NEDD9: variants seen among roughly 807,000 people sequenced by gnomAD.
The protein encoded by NEDD9 is enhancer of filamentation 1.
NEDD9 carries 26 observed loss-of-function variants against 76.6 expected under a neutral mutation model. The observed-to-expected ratio is 0.34, with a 90% CI of 0.25 to 0.47. The LOEUF (loss-of-function observed/expected upper bound fraction) is 0.47. Among genes scored for constraint, NEDD9 ranks in the 20% least tolerant of loss-of-function variants. The pLI, the probability that NEDD9 is intolerant of heterozygous loss-of-function variation, is 1.00. For synonymous variants in NEDD9, 392 were observed against 414.2 expected, an observed-to-expected ratio of 0.95 and a Z score of 0.65; for missense variants, 937 against 1,058.5, an observed-to-expected ratio of 0.89 and a Z score of 1.59.
chr6:11,251,091 G>T (rs76791355), intron 3 of NEDD9, among the ~76,000 whole-genome samples: 1,822 of 152,260 alleles, frequency 0.012, 32 homozygotes, highest in African/African-American at 0.042. Flanking sequence ...ACAATGGAAA[G>T]AATACAAAAA....
rs558617952 is a variant in NEDD9, at chr6:11,193,090, C to A, written c.561+501G>T. Among the ~76,000 whole-genome samples, 3 of 151,942 alleles carry A rather than the reference C, an allele frequency of 2.0e-5. No homozygotes were observed. In the South Asian group the frequency reaches 6.2e-4, roughly 32 times the overall value. ...AAGGCCGAGGTGGGCAGACCACTTG[C>A]AGTTAGGAGTTCAAAACCAGCCTGG... On this transcript the variant is annotated intron_variant, in intron 3 of 6. Coordinates refer to ENST00000379446, the MANE Select transcript of NEDD9 (RefSeq NM_006403.4).
At position 11,317,204 on chromosome 6, in the gene NEDD9, G is replaced by A. The variant is rs1363440786; in HGVS notation, c.-152-11049C>T. On this transcript the variant is annotated intron_variant, in intron 2 of 3. Transcript: ENST00000397378. ...TCCCAGCACTCTGAGAGGCCGAGGC[G>A]GGCAGATCACCTCAGGTCAGGAGTT... 5.3e-5 allele frequency among the ~76,000 whole-genome samples: 8 copies of A among 152,036 alleles called. No homozygotes were observed. The East Asian group carries it at 7.7e-4, about 15-fold the overall frequency.
upstream of NEDD9, among the ~76,000 whole-genome samples, chr6:11,233,791 A>G (rs556243084): frequency 1.3e-5 from 2 of 152,354 alleles, no homozygotes; most frequent in South Asian, 4.1e-4. Context: ...TTCCCGGGCA[A>G]GACTGAGACT....
intron 1 of NEDD9, among the ~76,000 whole-genome samples, chr6:11,354,224 C>T (rs916975003): frequency 1.3e-5 from 2 of 152,196 alleles, no homozygotes; most frequent in African/African-American, 4.8e-5. Context: ...TCTTTGTGTA[C>T]AGGACGCATT....
At chr6:11,276,398 TGTGTGTGTGCAC>T (rs1298450705) in intron 3 of NEDD9, among the ~76,000 whole-genome samples, 1 of 152,124 alleles carries the variant, frequency 6.6e-6, no homozygotes, top group Non-Finnish European at 1.5e-5. Flanking sequence ...TGTGCGTGCA[TGTGTGTGTGCAC>T]GTGTGTGTGC....
intron 1 of NEDD9, among the ~76,000 whole-genome samples, chr6:11,349,342 AT>A (rs765130438): frequency 3.0e-4 from 45 of 152,330 alleles, no homozygotes; most frequent in Middle Eastern, 6.8e-3. Flanking sequence ...TAGTTCAACC[AT>A]TGTGGAAAGC....
intron 1 of NEDD9, among the ~76,000 whole-genome samples, chr6:11,219,134 G>C (rs1040116473): frequency 6.6e-6 from 1 of 152,070 alleles, no homozygotes; most frequent in Non-Finnish European, 1.5e-5. Flanking sequence ...CCAGAACGCT[G>C]GTACAGAGAG....
At chr6:11,374,799 G>T (rs915000409) in intron 1 of NEDD9, among the ~76,000 whole-genome samples, 10 of 152,232 alleles carry the variant, frequency 6.6e-5, no homozygotes, top group African/African-American at 2.4e-4. Context: ...TTTTCCCCAA[G>T]GGCTTATCTG....
intron 2 of NEDD9, chr6:11,200,497 C>G (rs1178085536): frequency 9.3e-7 from 1 of 1,075,556 alleles, no homozygotes; most frequent in Non-Finnish European, 1.1e-6. Context: ...ACAAGACAAG[C>G]AACAGTCAAT....
chr6:11,204,847 C>CTGG (rs1169638458), intron 2 of NEDD9, among the ~76,000 whole-genome samples: 1 of 151,956 alleles, frequency 6.6e-6, no homozygotes, highest in African/African-American at 2.4e-5. Flanking sequence ...CCCTACTGAC[C>CTGG]TGGTCAGGAC....
intron 3 of NEDD9, among the ~76,000 whole-genome samples, chr6:11,273,422 A>G (rs563102019): frequency 6.6e-6 from 1 of 152,378 alleles, no homozygotes; most frequent in South Asian, 2.1e-4. Context: ...GTTTCTATAA[A>G]AACAAGCATT....
At chr6:11,272,860 C>A (rs1024143951) in intron 3 of NEDD9, among the ~76,000 whole-genome samples, 1 of 152,192 alleles carries the variant, frequency 6.6e-6, no homozygotes, top group Non-Finnish European at 1.5e-5. Context: ...GTTGTTTACC[C>A]ATACAGATAT....
chr6:11,351,930 T>C (rs562125712), intron 1 of NEDD9, among the ~76,000 whole-genome samples: 76 of 152,384 alleles, frequency 5.0e-4, no homozygotes, highest in African/African-American at 1.8e-3. Context: ...CAAAGGACTC[T>C]TGAGGGTTGT....
intron 1 of NEDD9, among the ~76,000 whole-genome samples, chr6:11,345,827 T>C (rs1241414629): frequency 6.6e-6 from 1 of 152,250 alleles, no homozygotes; most frequent in African/African-American, 2.4e-5. Flanking sequence ...CAAGTCAGTG[T>C]GAGAGACAGA....
At chr6:11,262,124 G>A (rs1760126405) in intron 3 of NEDD9, among the ~76,000 whole-genome samples, 1 of 152,156 alleles carries the variant, frequency 6.6e-6, no homozygotes, top group Admixed American at 6.5e-5. Flanking sequence ...ACTTGCAAAG[G>A]GCTGTGGTTT....
chr6:11,310,446 T>A (rs886183368), intron 2 of NEDD9, among the ~76,000 whole-genome samples: 2 of 152,082 alleles, frequency 1.3e-5, no homozygotes, highest in African/African-American at 4.8e-5. Flanking sequence ...CTCAACTGTT[T>A]ACTTACTCTG....
intron 1 of NEDD9, among the ~76,000 whole-genome samples, chr6:11,362,803 C>T (rs968956882): frequency 1.3e-5 from 2 of 152,210 alleles, no homozygotes; most frequent in African/African-American, 2.4e-5. Context: ...CTTTAATAAA[C>T]AGTCACCATG....
At chr6:11,373,661 C>G (rs975179037) in intron 1 of NEDD9, among the ~76,000 whole-genome samples, 1 of 152,176 alleles carries the variant, frequency 6.6e-6, no homozygotes, top group Non-Finnish European at 1.5e-5. Flanking sequence ...TTAATATCTA[C>G]TAAATTATTT....
chr6:11,305,258 T>A (rs1457541535), intron 3 of NEDD9: 10 of 650,554 alleles, frequency 1.5e-5, no homozygotes, highest in South Asian at 1.7e-5. Flanking sequence ...TCTCATTTCA[T>A]CCTCTGAACA....
Sources: gnomAD v4.1 joint callset for allele counts (sites outside exome capture counted in the v4.1 genomes callset) on GRCh38, gnomAD v4.1.1 for gene constraint, MANE v1.5 for transcripts, NCBI Gene and HGNC (gene_info 2026-07-23, HGNC 2026-07-21) for gene names.